Variants in WDCP observed in about 807,000 individuals in gnomAD.
WDCP encodes WD repeat and coiled-coil-containing protein.
WDCP carries 19 observed loss-of-function variants against 41.6 expected under a neutral mutation model. The ratio of observed to expected loss-of-function variants is 0.46; its 90% confidence interval spans 0.32 to 0.67. The LOEUF (loss-of-function observed/expected upper bound fraction) is 0.67, where lower values mean the gene tolerates loss of function less well. WDCP is among the 30% of genes least tolerant of loss of function. WDCP has a pLI of 0.04. For missense variants in WDCP, 802 were observed against 850.7 expected, an observed-to-expected ratio of 0.94 and a Z score of 0.71; for synonymous variants, 302 against 320.8, an observed-to-expected ratio of 0.94 and a Z score of 0.63.
rs1663319364 is a variant in WDCP at position 24,038,315 on chromosome 2, A to G, written c.1180T>C (p.Leu394=). 2 of 1,614,240 alleles carry G rather than the reference A, an allele frequency of 1.2e-6. No homozygotes were observed. Among genetic ancestry groups the G allele is most frequent in the Non-Finnish European group, 8.5e-7 (1 of 1,180,050 alleles). Reference sequence around the variant, plus strand: ...AAAATTAGTAATAGTTGGTCTGTCAAGAAACATATCCCTTTTGGTCTTTCA... The same window carrying G: ...AAAATTAGTAATAGTTGGTCTGTCAGGAAACATATCCCTTTTGGTCTTTCA... ...NTERPKGICF[L]TDQLLLILVG... Residue 394 remains leucine (L), a synonymous_variant, in exon 2 of 4, where the codon TTG becomes CTG. Coordinates refer to ENST00000295148, the MANE Select transcript of WDCP (RefSeq NM_025203.3).
At chr2:24,033,249 A>C (rs1663151244) in intron 2 of WDCP, 1 of 499,682 alleles carries the variant, frequency 2.0e-6, no homozygotes, top group Non-Finnish European at 4.0e-6. Flanking sequence ...TGAGAGACAC[A>C]ATCTGACGGT....
chr2:24,043,241 C>T (rs1663509762), intron 1 of WDCP, among the ~76,000 whole-genome samples: 1 of 152,158 alleles, frequency 6.6e-6, no homozygotes, highest in Non-Finnish European at 1.5e-5. Context: ...GAGGCTGAGA[C>T]ACGAGAATTG....
rs1394265691 is a variant in WDCP at position 24,038,761 on chromosome 2, T to TAACAC, written c.733_734insGTGTT (p.Asp245GlyfsTer4). ...AACTGGTAAAGCATACGGAGTCATGTCTTTACTGTTAGGTGGGATATTAAA... is the reference window on the plus strand; with the variant it reads ...AACTGGTAAAGCATACGGAGTCATGTAACACCTTTACTGTTAGGTGGGATATTAAA... On this transcript the variant is annotated frameshift_variant, in exon 2 of 4. Coordinates refer to ENST00000295148, the MANE Select transcript of WDCP (RefSeq NM_025203.3). LOFTEE classifies it high-confidence loss of function. 6.2e-7 allele frequency: 1 copy of TAACAC among 1,614,220 alleles called. No homozygotes were observed. Among genetic ancestry groups the TAACAC allele is most frequent in the South Asian group, 1.1e-5 (1 of 91,088 alleles).
chr2:24,037,493 T>C (rs984687165), intron 2 of WDCP, among the ~76,000 whole-genome samples, 184 bp downstream of exon 2: 1 of 152,242 alleles, frequency 6.6e-6, no homozygotes, highest in Non-Finnish European at 1.5e-5. Flanking sequence ...TATGTGCGCC[T>C]ATCTGGTTGG....
At chr2:24,033,606 T>C (rs2150947520) in intron 2 of WDCP, among the ~76,000 whole-genome samples, 1 of 151,088 alleles carries the variant, frequency 6.6e-6, no homozygotes, top group East Asian at 2.0e-4. Flanking sequence ...CCAGGCATGG[T>C]GGTACACACT....
At chr2:24,037,569 A>C in intron 2 of WDCP, 108 bp downstream of exon 2, 1 of 1,247,940 alleles carries the variant, frequency 8.0e-7, no homozygotes, top group Non-Finnish European at 1.1e-6. Context: ...TGCCCAGCTT[A>C]GTGAAGCTCA....
chr2:24,038,362 T>C lies in WDCP; in HGVS notation c.1133A>G (p.Gln378Arg). The change falls in exon 2 of 4, where the codon CAG becomes CGG. Residue 378 changes from glutamine to arginine, a missense_variant. By Grantham distance (43) the Gln-to-Arg change is conservative. Coordinates refer to ENST00000295148, the MANE Select transcript of WDCP (RefSeq NM_025203.3). ...TTCAGTGTTCTCTAATCGAATTTGC[T>C]GGATGTTTGGGACTGAAGATGGAAT... ...SVIPSSVPNI[Q>R]QIRLENTERP... 6.2e-7 allele frequency: 1 copy of C among 1,614,204 alleles called. No individual in the cohort carries two copies. The highest frequency in any genetic ancestry group is 1.7e-5 in the Admixed American group (1 of 60,026).
Position 24,037,831 on chromosome 2 carries a change from T to A in WDCP, c.1664A>T (p.Tyr555Phe). 3.1e-6 allele frequency: 5 copies of A among 1,614,208 alleles called. No individual in the cohort carries two copies. Among genetic ancestry groups the A allele is most frequent in the Non-Finnish European group, 4.2e-6 (5 of 1,180,028 alleles). ...RKNLQSEKET[Y>F]QLSKEVEILS... ...AATTTCCACTTCCTTAGACAGCTGA[T>A]AAGTTTCCTTTTCACTTTGTAAGTT... The change falls in exon 2 of 4, where the codon TAT becomes TTT. Residue 555 changes from tyrosine (Y) to phenylalanine (F), a missense_variant. Around this residue, in one of 5 missense-constraint regions of WDCP, gnomAD observed 321 missense variants for 305.1 expected, o/e 1.05. Transcript: ENST00000295148.
intron 1 of WDCP, among the ~76,000 whole-genome samples, chr2:24,041,109 C>G (rs10205978): frequency 6.6e-6 from 1 of 152,106 alleles, no homozygotes; most frequent in East Asian, 1.9e-4. Flanking sequence ...GAGGCTGAGG[C>G]GGGTGGATCA....
chr2:24,045,522 A>G (rs779928025), intron 1 of WDCP, among the ~76,000 whole-genome samples: 3 of 147,870 alleles, frequency 2.0e-5, no homozygotes. Flanking sequence ...AATCGCTTGA[A>G]CCCGGCTGGC....
At chr2:24,033,019 G>A in intron 2 of WDCP, 73 bp from the exon 3 acceptor site, 1 of 987,154 alleles carries the variant, frequency 1.0e-6, no homozygotes, top group Non-Finnish European at 1.6e-6. Context: ...AGAAAGGAAT[G>A]TGTAAATAGT....
Position 24,038,609 on chromosome 2 carries a change from C to A in WDCP, c.886G>T (p.Glu296Ter), listed in dbSNP as rs778944194. Reference protein sequence around the residue: ...THIHFNQHKSEGNSLICLRKK... With the variant: ...THIHFNQHKS ...CTTAGACAAATAAGAGAATTACCCT[C>A]AGACTTATGTTGATTGAAATGTATG... The change falls in exon 2 of 4, where the codon GAG (glutamate) becomes TAG (stop). Residue 296 changes from glutamate (E) to a stop codon, truncating the protein, a stop_gained. Coordinates refer to ENST00000295148, the MANE Select transcript of WDCP (RefSeq NM_025203.3). LOFTEE classifies it high-confidence loss of function. 3.1e-6 allele frequency: 5 copies of A among 1,614,104 alleles called. No individual in the cohort carries two copies. Among genetic ancestry groups the A allele is most frequent in the Non-Finnish European group, 4.2e-6 (5 of 1,179,966 alleles).
chr2:24,045,562 C>G (rs1284234187), intron 1 of WDCP, among the ~76,000 whole-genome samples: 1 of 140,536 alleles, frequency 7.1e-6, no homozygotes, highest in Non-Finnish European at 1.5e-5. Flanking sequence ...GTTTGCGCCA[C>G]TGCACTCCAG....
Position 24,030,178 on chromosome 2 carries a change from C to A in WDCP, c.*755G>T, listed in dbSNP as rs1451725830. ...TATTTCAGGGACACTCATGAGTGGC[C>A]ACAGCACAAAATCCTGCAGTAGGAC... is the stretch of plus-strand genomic sequence containing the variant. On this transcript the variant is annotated 3_prime_UTR_variant, in exon 4 of 4. Coordinates refer to ENST00000295148, the MANE Select transcript of WDCP (RefSeq NM_025203.3). The A allele has an allele frequency of 6.6e-6, 1 of 151,934 alleles. No individual in the cohort carries two copies. The highest frequency in any genetic ancestry group is 1.9e-4 in the East Asian group (1 of 5,190). The allele number at this position is 151,934 out of a possible 1,614,324, so 9.4% of individuals were successfully genotyped here.
At position 24,038,599 on chromosome 2, in the gene WDCP, G is replaced by T; in HGVS notation, c.896C>A (p.Ser299Tyr). The T allele has an allele frequency of 1.9e-6, 3 of 1,614,016 alleles. No individual in the cohort carries two copies. Among genetic ancestry groups the T allele is most frequent in the Non-Finnish European group, 2.5e-6 (3 of 1,179,930 alleles). ...GTCCTTTTTTCTTAGACAAATAAGA[G>T]AATTACCCTCAGACTTATGTTGATT... ...HFNQHKSEGN[S>Y]LICLRKKDYL... The change falls in exon 2 of 4, where the codon TCT becomes TAT. Residue 299 changes from serine (S) to tyrosine (Y), a missense_variant. Transcript: ENST00000295148.
chr2:24,031,084 A>G lies in WDCP; in HGVS notation c.2015T>C (p.Ile672Thr). 1 of 1,614,232 alleles carries G rather than the reference A, an allele frequency of 6.2e-7. No individual in the cohort carries two copies. The highest frequency in any genetic ancestry group is 8.5e-7 in the Non-Finnish European group (1 of 1,180,028). The change falls in exon 4 of 4, where the codon ATA (isoleucine) becomes ACA (threonine). Residue 672 changes from isoleucine to threonine, a missense_variant. This residue lies in a region of WDCP where 321 missense variants were observed against 305.1 expected (regional missense o/e 1.05). Coordinates refer to ENST00000295148, the MANE Select transcript of WDCP (RefSeq NM_025203.3). ...LTFTATQEII[I>T]RDGSLSRSDV... ...TGACCTGGACAGGCTGCCATCTCTT[A>G]TGATTATTTCCTGTGTGGCTGTGAA...
At chr2:24,031,948 G>C (rs1663109902) in intron 3 of WDCP, among the ~76,000 whole-genome samples, 1 of 152,208 alleles carries the variant, frequency 6.6e-6, no homozygotes, top group Non-Finnish European at 1.5e-5. Context: ...TGCTTTGTAA[G>C]TCTTTTCTTA....
intron 2 of WDCP, among the ~76,000 whole-genome samples, chr2:24,034,632 G>A (rs1010069462): frequency 1.4e-5 from 2 of 147,946 alleles, no homozygotes; most frequent in African/African-American, 5.0e-5. Context: ...GGCGTGCAGT[G>A]GCACGATCAC....
intron 1 of WDCP, among the ~76,000 whole-genome samples, chr2:24,047,056 T>G (rs1480539802): frequency 6.6e-6 from 1 of 152,110 alleles, no homozygotes; most frequent in Non-Finnish European, 1.5e-5. Flanking sequence ...TTTCCTGACT[T>G]TGGATGACTT....
Sources: allele counts gnomAD v4.1 joint callset (sites outside exome capture counted in the v4.1 genomes callset), GRCh38; gene constraint gnomAD v4.1.1; regional missense constraint gnomAD v4.1.1; transcripts MANE v1.5; gene names NCBI Gene and HGNC (gene_info 2026-07-23, HGNC 2026-07-21).